GAN: variants seen among roughly 807,000 people sequenced by gnomAD.
The protein encoded by GAN is gigaxonin, also known as epididymis secretory sperm binding protein.
GAN carries 48 observed loss-of-function variants against 71.3 expected under a neutral mutation model. The observed-to-expected ratio is 0.67, with a 90% confidence interval of 0.53 to 0.86. The LOEUF is 0.86. Ranked by LOEUF, GAN falls within the 40% of genes least tolerant of loss-of-function variation. The pLI, the probability that GAN is intolerant of heterozygous loss-of-function variation, is 0.00. For synonymous variants in GAN, 386 were observed against 276.8 expected (o/e 1.39, Z -3.92); for missense variants, 928 against 770.1 (o/e 1.21, Z -2.43).
At chr16:81,348,832 T>G (rs1313341283) in intron 1 of GAN, among the ~76,000 whole-genome samples, 1 of 152,238 alleles carries the variant, frequency 6.6e-6, no homozygotes, top group African/African-American at 2.4e-5. Context: ...CTTGGGCTGA[T>G]CAAGTCCTCC....
At chr16:81,322,083 G>C (rs1909241324) in intron 1 of GAN, among the ~76,000 whole-genome samples, 1 of 152,198 alleles carries the variant, frequency 6.6e-6, no homozygotes, top group Non-Finnish European at 1.5e-5. Context: ...GAGTGACTTA[G>C]CCATAGAATG....
At position 81,335,214 on chromosome 16, in the gene GAN, A is replaced by T. The variant is rs1399263677; in HGVS notation, c.168-16369A>T. Among the ~76,000 whole-genome samples the T allele has an allele frequency of 6.6e-5, 10 of 151,890 alleles. No homozygotes were observed. In the East Asian group the frequency reaches 1.7e-3, roughly 27 times the overall value. ...CAAGCTGGGAACTTTTTTAATATGC[A>T]TATGCTTGAACTGGATTTAATTGGC... On this transcript the variant is annotated intron_variant, in intron 1 of 10. Coordinates refer to ENST00000648994, the MANE Select transcript of GAN (RefSeq NM_022041.4).
chr16:81,339,672 A>G (rs1408391788), intron 1 of GAN, among the ~76,000 whole-genome samples: 1 of 152,244 alleles, frequency 6.6e-6, no homozygotes, highest in East Asian at 1.9e-4. Context: ...GGGGAAATTC[A>G]TAACAGGAAT....
chr16:81,316,725 C>T (rs1017405793), intron 1 of GAN, among the ~76,000 whole-genome samples: 2 of 152,214 alleles, frequency 1.3e-5, no homozygotes, highest in African/African-American at 2.4e-5. Flanking sequence ...AAGTAAATTG[C>T]AAATTGCCGA....
In GAN at chr16:81,386,400, C is replaced by A. The variant is rs1324451721; in HGVS notation, c.*8804C>A. ...CTTAAAAACAAACAAATATGTGTTA[C>A]AAGTACTTGTGTGTACGTGCATGTG... On this transcript the variant is annotated 3_prime_UTR_variant, in exon 11 of 11. Transcript: ENST00000648994. 1 of 152,190 alleles carries A rather than the reference C, an allele frequency of 6.6e-6. No homozygotes were observed. The highest frequency in any genetic ancestry group is 1.5e-5 in the Non-Finnish European group (1 of 68,042). 9.4% of individuals were successfully genotyped at this position (152,190 alleles called of 1,614,324 possible).
chr16:81,317,295 A>G (rs1909076457), intron 1 of GAN, among the ~76,000 whole-genome samples: 1 of 152,254 alleles, frequency 6.6e-6, no homozygotes, highest in Non-Finnish European at 1.5e-5. Context: ...TCACATTTTC[A>G]TAGTACACAG....
chr16:81,360,600 T>G (rs1910642153), intron 5 of GAN, among the ~76,000 whole-genome samples: 1 of 152,106 alleles, frequency 6.6e-6, no homozygotes. Context: ...TTTCTACAAA[T>G]TCTTGTCTTT....
Position 81,385,481 on chromosome 16 carries a change from C to T in GAN, c.*7885C>T, listed in dbSNP as rs988427188. The T allele has an allele frequency of 2.6e-5, 4 of 152,248 alleles. No individual in the cohort carries two copies. In the East Asian group the frequency reaches 7.7e-4, roughly 29 times the overall value. 9.4% of individuals were successfully genotyped at this position (152,248 alleles called of 1,614,324 possible). A position where few individuals can be genotyped will look rare whatever the true frequency, so the allele number is the denominator to read the frequency against. On this transcript the variant is annotated 3_prime_UTR_variant, in exon 11 of 11. Transcript: ENST00000648994. Reference sequence around the variant, plus strand: ...GGAAGCTCTTAAGGCTCCCAAGGCTCCGTTTCTTATGTGGAAGAAGAATAG... The same window carrying T: ...GGAAGCTCTTAAGGCTCCCAAGGCTTCGTTTCTTATGTGGAAGAAGAATAG...
Position 81,354,467 on chromosome 16 carries a change from G to A in GAN, c.345G>A (p.Thr115=), listed in dbSNP as rs768322742. ...AGGCAGCTGACCTGCTGCTACTGAC[G>A]GACCTTAAAACCCTGTGCTGTGAGT... The part of the protein sequence containing the change: ...VVQAADLLLL[T]DLKTLCCEFL... Residue 115 remains threonine (T), a synonymous_variant, in exon 3 of 11, where the codon ACG becomes ACA. Coordinates refer to ENST00000648994, the MANE Select transcript of GAN (RefSeq NM_022041.4). 6.9e-5 allele frequency: 112 copies of A among 1,613,910 alleles called. No individual in the cohort carries two copies. The highest frequency in any genetic ancestry group is 1.6e-4 in the Middle Eastern group (1 of 6,084).
intron 9 of GAN, among the ~76,000 whole-genome samples, chr16:81,371,602 A>G (rs768689095): frequency 2.8e-4 from 42 of 152,246 alleles, no homozygotes; most frequent in Non-Finnish European, 5.6e-4. Context: ...ACTTGAGATG[A>G]GTGGATGCGC....
chr16:81,358,611 A>G (rs2150688030), intron 5 of GAN, among the ~76,000 whole-genome samples: 1 of 151,740 alleles, frequency 6.6e-6, no homozygotes, highest in African/African-American at 2.4e-5. Flanking sequence ...CCTGTCTCAA[A>G]AAAAAAAGAA....
chr16:81,354,619 G>T lies in GAN; in HGVS notation c.497G>T (p.Ser166Ile), dbSNP rs758366654. The T allele has an allele frequency of 1.9e-6, 3 of 1,613,544 alleles. No individual in the cohort carries two copies. Among genetic ancestry groups the T allele is most frequent in the Non-Finnish European group, 2.5e-6 (3 of 1,179,592 alleles). The change falls in exon 3 of 11, where the codon AGC becomes ATC. Residue 166 changes from serine (S) to isoleucine (I), a missense_variant. Transcript: ENST00000648994. ...YLETHFRDVS[S>I]TEEFLELSPQ... ...GAGACTCATTTCCGAGACGTCAGCA[G>T]CACGGAAGAATTCTTAGAGCTGAGT...
intron 1 of GAN, among the ~76,000 whole-genome samples, chr16:81,334,426 C>G (rs535988728): frequency 6.6e-6 from 1 of 152,164 alleles, no homozygotes; most frequent in Non-Finnish European, 1.5e-5. Context: ...TGAAACCTTT[C>G]CTGACTTTTC....
At position 81,383,657 on chromosome 16, in the gene GAN, A is replaced by G. The variant is rs751743258; in HGVS notation, c.*6061A>G. 4 of 152,030 alleles carry G rather than the reference A, an allele frequency of 2.6e-5. No individual in the cohort carries two copies. Among genetic ancestry groups the G allele is most frequent in the Non-Finnish European group, 4.4e-5 (3 of 68,006 alleles). The allele number at this position is 152,030 out of a possible 1,614,324, so 9.4% of individuals were successfully genotyped here. ...GTTGATAATAATTTCTTCCTGGCTC[A>G]ACAAAGTTGTTGAGCTTCCTTCTGT... On this transcript the variant is annotated 3_prime_UTR_variant, in exon 11 of 11. Coordinates refer to ENST00000648994, the MANE Select transcript of GAN (RefSeq NM_022041.4).
chr16:81,348,186 A>G (rs1309821659), intron 1 of GAN, among the ~76,000 whole-genome samples: 1 of 151,672 alleles, frequency 6.6e-6, no homozygotes, highest in Non-Finnish European at 1.5e-5. Context: ...TTTCTAGGAG[A>G]TTTCCTCAAC....
intron 1 of GAN, among the ~76,000 whole-genome samples, chr16:81,333,717 G>C (rs1909663417): frequency 2.0e-5 from 3 of 152,202 alleles, no homozygotes; most frequent in Non-Finnish European, 4.4e-5. Flanking sequence ...TCTTATTTCT[G>C]AATCCATACT....
At chr16:81,330,390 A>G (rs1193200159) in intron 1 of GAN, among the ~76,000 whole-genome samples, 2 of 152,270 alleles carry the variant, frequency 1.3e-5, no homozygotes, top group Admixed American at 1.3e-4. Context: ...TGCAGGGCAC[A>G]GGAGCCACCC....
At chr16:81,334,403 C>T (rs995891553) in intron 1 of GAN, among the ~76,000 whole-genome samples, 1 of 152,118 alleles carries the variant, frequency 6.6e-6, no homozygotes, top group African/African-American at 2.4e-5. Context: ...GGAAAGTAAA[C>T]CCTTGATTTT....
rs1177984521 is a variant in GAN, at chr16:81,380,814, C to T, written c.*3218C>T. 2 of 152,124 alleles carry T rather than the reference C, an allele frequency of 1.3e-5. No individual in the cohort carries two copies. The highest frequency in any genetic ancestry group is 6.5e-5 in the Admixed American group (1 of 15,272). 9.4% of individuals were successfully genotyped at this position (152,124 alleles called of 1,614,324 possible). On this transcript the variant is annotated 3_prime_UTR_variant, in exon 11 of 11. Transcript: ENST00000648994. ...TCAGCAGGATTAAAAACAGTGTTTA[C>T]CAACTCGTAGTTGGTATACTGTCAG...
Sources: gnomAD v4.1 joint callset for allele counts (sites outside exome capture counted in the v4.1 genomes callset) on GRCh38, gnomAD v4.1.1 for gene constraint, MANE v1.5 for transcripts, NCBI Gene and HGNC (gene_info 2026-07-23, HGNC 2026-07-21) for gene names.